Variants in FGGY observed in about 807,000 individuals in gnomAD.
The protein encoded by FGGY is FGGY carbohydrate kinase domain containing.
FGGY carries 72 observed loss-of-function variants against 71.3 expected under a neutral mutation model. The ratio of observed to expected loss-of-function variants is 1.01; its 90% CI spans 0.84 to 1.23. The LOEUF is 1.23. Among genes scored for constraint, FGGY ranks in the 50% most tolerant of loss-of-function variants. The pLI, the probability that FGGY is intolerant of heterozygous loss-of-function variation, is 0.00. For synonymous variants in FGGY, 251 were observed against 250.3 expected (o/e 1.00, Z -0.02); for missense variants, 668 against 682.3 (o/e 0.98, Z 0.23).
At chr1:59,704,771 A>T (rs532853911) in intron 14 of FGGY, among the ~76,000 whole-genome samples, 1 of 152,262 alleles carries the variant, frequency 6.6e-6, no homozygotes, top group South Asian at 2.1e-4. Flanking sequence ...ATATACAAAT[A>T]TGAGGACTTC....
intron 8 of FGGY, among the ~76,000 whole-genome samples, chr1:59,577,628 A>C (rs911949846): frequency 6.6e-6 from 1 of 152,090 alleles, no homozygotes; most frequent in African/African-American, 2.4e-5. Flanking sequence ...TAAGGGAGAG[A>C]GGTTGGTTAT....
At chr1:59,366,937 G>C (rs1269772856) in intron 4 of FGGY, among the ~76,000 whole-genome samples, 40 of 152,136 alleles carry the variant, frequency 2.6e-4, no homozygotes. Context: ...TAATGCATTT[G>C]GGAAAGTAAA....
intron 7 of FGGY, among the ~76,000 whole-genome samples, chr1:59,542,642 G>A (rs943700052): frequency 1.3e-5 from 2 of 151,734 alleles, no homozygotes; most frequent in Admixed American, 1.3e-4. Context: ...TTTTAGTAGA[G>A]ATGGGGTTTC....
intron 8 of FGGY, among the ~76,000 whole-genome samples, chr1:59,556,125 C>T (rs868250012): frequency 2.6e-5 from 4 of 152,312 alleles, no homozygotes; most frequent in Non-Finnish European, 4.4e-5. Flanking sequence ...AGGCACCAGC[C>T]CAGGAGCCAG....
chr1:59,495,324 T>A (rs1558122266), intron 6 of FGGY, among the ~76,000 whole-genome samples: 1 of 152,026 alleles, frequency 6.6e-6, no homozygotes, highest in Non-Finnish European at 1.5e-5. Flanking sequence ...GTGTGGAAGC[T>A]TTTTAGTTTA....
chr1:59,491,047 C>CT (rs1433026325), intron 6 of FGGY, among the ~76,000 whole-genome samples: 4,712 of 5,294 alleles, frequency 0.89, 2,098 homozygotes, highest in Middle Eastern at 1. Context: ...TCCTTCCTTC[C>CT]TTCCTTCCTT....
chr1:59,613,070 A>T (rs185436040), intron 9 of FGGY, among the ~76,000 whole-genome samples: 3 of 152,274 alleles, frequency 2.0e-5, no homozygotes, highest in East Asian at 1.9e-4. Flanking sequence ...CACCCCACTG[A>T]CAACATTAGA....
Position 59,499,255 on chromosome 1 carries a change from G to A in FGGY, c.671-13056G>A, listed in dbSNP as rs527929686. 5.3e-5 allele frequency among the ~76,000 whole-genome samples: 8 copies of A among 149,604 alleles called. No homozygotes were observed. In the East Asian group the frequency reaches 1.4e-3, roughly 26 times the overall value. On this transcript the variant is annotated intron_variant, in intron 6 of 15. Transcript: ENST00000303721. ...ATACCTTCCAAGACCCCCAGTGGATGCCTAAAAACATGGGTAGTACTGAAC... is the reference window on the plus strand; with the variant it reads ...ATACCTTCCAAGACCCCCAGTGGATACCTAAAAACATGGGTAGTACTGAAC...
intron 13 of FGGY, among the ~76,000 whole-genome samples, chr1:59,670,634 G>A (rs952432216): frequency 1.3e-5 from 2 of 151,966 alleles, no homozygotes; most frequent in African/African-American, 2.4e-5. Flanking sequence ...TCTGTGCCTA[G>A]TCCAAGTAGG....
chr1:59,382,123 T>C (rs1048936238), intron 5 of FGGY, among the ~76,000 whole-genome samples: 9 of 152,172 alleles, frequency 5.9e-5, no homozygotes, highest in African/African-American at 2.2e-4. Flanking sequence ...GATAAACCTC[T>C]AGTAATTAGG....
intron 10 of FGGY, 54 bp from the exon 11 acceptor site, chr1:59,638,156 GTTTCTTTCTATAGAATGA>G: frequency 6.8e-7 from 1 of 1,473,998 alleles, no homozygotes; most frequent in African/African-American, 1.4e-5. Flanking sequence ...AGTACAAATG[GTTTCTTTCTATAGAATGA>G]TTTGCTCCCT....
At chr1:59,624,760 T>G (rs999584792) in intron 9 of FGGY, among the ~76,000 whole-genome samples, 2 of 152,084 alleles carry the variant, frequency 1.3e-5, no homozygotes, top group Admixed American at 1.3e-4. Context: ...CGAAACAGTA[T>G]GGGGGAAACT....
At chr1:59,538,296 AC>A (rs2095370809) in intron 7 of FGGY, among the ~76,000 whole-genome samples, 1 of 150,964 alleles carries the variant, frequency 6.6e-6, no homozygotes, top group Non-Finnish European at 1.5e-5. Context: ...ACAATGAGAT[AC>A]CATCTCACAC....
At chr1:59,467,608 T>C (rs1366379873) in intron 6 of FGGY, among the ~76,000 whole-genome samples, 2 of 152,210 alleles carry the variant, frequency 1.3e-5, no homozygotes, top group Non-Finnish European at 2.9e-5. Flanking sequence ...CCTTTTATTA[T>C]AGAGTTACTA....
intron 5 of FGGY, among the ~76,000 whole-genome samples, chr1:59,392,385 G>A (rs1571520878): frequency 6.6e-6 from 1 of 152,170 alleles, no homozygotes; most frequent in African/African-American, 2.4e-5. Flanking sequence ...CAGAAGTGGT[G>A]TGGCTTGGAG....
At chr1:59,677,411 G>A (rs1481041226) in intron 14 of FGGY, among the ~76,000 whole-genome samples, 1 of 152,162 alleles carries the variant, frequency 6.6e-6, no homozygotes, top group African/African-American at 2.4e-5. Flanking sequence ...GTTAGATGGA[G>A]GATTTCACTT....
At chr1:59,426,858 GA>G (rs34668849) in intron 5 of FGGY, among the ~76,000 whole-genome samples, 102 of 135,232 alleles carry the variant, frequency 7.5e-4, no homozygotes, top group East Asian at 1.6e-3. Flanking sequence ...GATTAACACT[GA>G]AAAAAAAAAA....
intron 4 of FGGY, among the ~76,000 whole-genome samples, chr1:59,375,238 GA>G (rs913024675): frequency 7.8e-6 from 1 of 128,494 alleles, no homozygotes; most frequent in Non-Finnish European, 1.6e-5. Flanking sequence ...CCAGCCTGGC[GA>G]TAGAGTGAGA....
intron 6 of FGGY, among the ~76,000 whole-genome samples, chr1:59,470,953 A>G (rs1461542755): frequency 6.6e-6 from 1 of 152,174 alleles, no homozygotes; most frequent in Non-Finnish European, 1.5e-5. Context: ...AATTTTACTA[A>G]TTTATATTGA....
Sources: gnomAD v4.1 joint callset for allele counts (sites outside exome capture counted in the v4.1 genomes callset) on GRCh38, gnomAD v4.1.1 for gene constraint, MANE v1.5 for transcripts, NCBI Gene and HGNC (gene_info 2026-07-23, HGNC 2026-07-21) for gene names.